Variants in LHFPL2 observed in about 807,000 individuals in gnomAD.
The protein encoded by LHFPL2 is LHFPL tetraspan subfamily member 2 protein.
A neutral mutation model predicts 17.5 loss-of-function variants in LHFPL2; 7 were observed. The observed-to-expected ratio is 0.40, with a 90% CI of 0.23 to 0.75. The LOEUF (loss-of-function observed/expected upper bound fraction) is 0.75, where lower values mean the gene tolerates loss of function less well. Among genes scored for constraint, LHFPL2 ranks in the 30% least tolerant of loss-of-function variants. The probability of loss-of-function intolerance (pLI) is 0.37; values close to 1 mark genes in which losing one functional copy is unlikely to be tolerated. For missense variants in LHFPL2, 241 were observed against 294.8 expected, an observed-to-expected ratio of 0.82 and a Z score of 1.34; for synonymous variants, 134 against 116.2, an observed-to-expected ratio of 1.15 and a Z score of -0.99.
intron 1 of LHFPL2, among the ~76,000 whole-genome samples, chr5:78,645,585 CACACACAT>C (rs1745841155): frequency 8.1e-6 from 1 of 123,316 alleles, no homozygotes; most frequent in South Asian, 2.7e-4. Context: ...CACACACACA[CACACACAT>C]TTTTTTTGAG....
At chr5:78,523,235 T>C (rs1371831086) in intron 3 of LHFPL2, among the ~76,000 whole-genome samples, 1 of 152,140 alleles carries the variant, frequency 6.6e-6, no homozygotes, top group Non-Finnish European at 1.5e-5. Context: ...AACAGAAGAA[T>C]TAAAACTCAC....
intron 2 of LHFPL2, among the ~76,000 whole-genome samples, chr5:78,583,155 T>A (rs1032144012): frequency 9.9e-5 from 15 of 151,600 alleles, no homozygotes; most frequent in Non-Finnish European, 1.9e-4. Context: ...CTCCATCCTT[T>A]TATTTTGAGC....
At chr5:78,646,294 C>T (rs1297664882) in intron 1 of LHFPL2, among the ~76,000 whole-genome samples, 1 of 152,180 alleles carries the variant, frequency 6.6e-6, no homozygotes, top group Non-Finnish European at 1.5e-5. Flanking sequence ...CCAGACTCAA[C>T]TCAGAGCCAC....
intron 4 of LHFPL2, among the ~76,000 whole-genome samples, chr5:78,491,581 A>G (rs1000770357): frequency 6.6e-6 from 1 of 152,252 alleles, no homozygotes; most frequent in African/African-American, 2.4e-5. Flanking sequence ...ATGGTGGACC[A>G]CAGCAGAGAC....
chr5:78,570,307 TC>T lies in LHFPL2; in HGVS notation c.-244-5437del, dbSNP rs149507912. On this transcript the variant is annotated intron_variant, in intron 2 of 4. Coordinates refer to ENST00000380345, the MANE Select transcript of LHFPL2 (RefSeq NM_005779.3). ...ACTGGGTTAACGAGAGTGGAGAAAA[TC>T]ATCAGGCAAACATGACAGCAGGAAT... 2.9e-3 allele frequency among the ~76,000 whole-genome samples: 446 copies of T among 151,928 alleles called. 3 individuals carry two copies. The highest frequency in any genetic ancestry group is 0.01 in the African/African-American group (429 of 41,398).
At chr5:78,645,948 A>G (rs1387904754) in intron 1 of LHFPL2, among the ~76,000 whole-genome samples, 2 of 152,202 alleles carry the variant, frequency 1.3e-5, no homozygotes, top group Non-Finnish European at 2.9e-5. Context: ...TCTTGTTTGT[A>G]TCTAAGAGCA....
intron 3 of LHFPL2, among the ~76,000 whole-genome samples, chr5:78,562,771 T>TAA (rs35579328): frequency 6.6e-6 from 1 of 151,804 alleles, no homozygotes; most frequent in South Asian, 2.1e-4. Context: ...TTCACAACTT[T>TAA]AAAAAAAAGA....
At chr5:78,541,678 G>A (rs1756118927) in intron 3 of LHFPL2, among the ~76,000 whole-genome samples, 3 of 152,130 alleles carry the variant, frequency 2.0e-5, no homozygotes, top group Admixed American at 2.0e-4. Context: ...TCAGCCTTCC[G>A]GTGACTGGGG....
chr5:78,499,611 T>A (rs1417443144), intron 4 of LHFPL2, among the ~76,000 whole-genome samples: 1 of 152,150 alleles, frequency 6.6e-6, no homozygotes, highest in Non-Finnish European at 1.5e-5. Flanking sequence ...TGATATGCAT[T>A]CAAAAGCTTG....
At chr5:78,544,558 AT>A (rs1756211379) in intron 3 of LHFPL2, among the ~76,000 whole-genome samples, 1 of 152,150 alleles carries the variant, frequency 6.6e-6, no homozygotes, top group African/African-American at 2.4e-5. Flanking sequence ...CTCTGTTGTG[AT>A]TTTTGTTAAT....
At chr5:78,585,027 G>T (rs1743327329) in intron 2 of LHFPL2, among the ~76,000 whole-genome samples, 5 of 56,238 alleles carry the variant, frequency 8.9e-5, no homozygotes, top group Admixed American at 2.1e-4. Flanking sequence ...TTTTTTTTGA[G>T]ACGGAGTCTC....
chr5:78,586,996 C>A (rs1404108643), intron 2 of LHFPL2, among the ~76,000 whole-genome samples: 1 of 152,198 alleles, frequency 6.6e-6, no homozygotes, highest in Non-Finnish European at 1.5e-5. Context: ...AACTCAGCAG[C>A]TGCTGCTTCA....
At chr5:78,501,287 T>G (rs1313952068) in intron 4 of LHFPL2, among the ~76,000 whole-genome samples, 2 of 152,226 alleles carry the variant, frequency 1.3e-5, no homozygotes, top group East Asian at 3.8e-4. Context: ...ATGACATTTC[T>G]TTGAAGTGAA....
At chr5:78,530,004 G>A (rs1429292832) in intron 3 of LHFPL2, among the ~76,000 whole-genome samples, 1 of 152,156 alleles carries the variant, frequency 6.6e-6, no homozygotes, top group African/African-American at 2.4e-5. Context: ...TGGAAGAAGG[G>A]AGAGAAAATA....
chr5:78,582,882 G>C (rs1220305825), intron 2 of LHFPL2, among the ~76,000 whole-genome samples: 1 of 152,118 alleles, frequency 6.6e-6, no homozygotes, highest in African/African-American at 2.4e-5. Context: ...TGTTGACAGT[G>C]GGCTGTTGAA....
chr5:78,557,996 T>C (rs780800239), intron 3 of LHFPL2, among the ~76,000 whole-genome samples: 2 of 152,190 alleles, frequency 1.3e-5, no homozygotes. Context: ...TCCAAGAGAA[T>C]AGAGATTAAA....
chr5:78,639,719 A>G (rs559292478), intron 1 of LHFPL2, among the ~76,000 whole-genome samples: 2 of 152,266 alleles, frequency 1.3e-5, no homozygotes, highest in Non-Finnish European at 2.9e-5. Flanking sequence ...TACAAGTGTT[A>G]GTCATTTACA....
In LHFPL2 at chr5:78,496,290, ATT is replaced by A. The variant is rs531732444; in HGVS notation, c.431-7139_431-7138del. Among the ~76,000 whole-genome samples the A allele has an allele frequency of 3.6e-3, 542 of 152,336 alleles. 2 individuals carry two copies. The highest frequency in any genetic ancestry group is 7.2e-3 in the South Asian group (35 of 4,830). ...TATAGGTTAATTAGAATCGATACGAATTCTAATGAGACATTGCAACTTTGCCT... is the reference window on the plus strand; with the variant it reads ...TATAGGTTAATTAGAATCGATACGAACTAATGAGACATTGCAACTTTGCCT... On this transcript the variant is annotated intron_variant, in intron 4 of 4. Transcript: ENST00000380345.
intron 2 of LHFPL2, among the ~76,000 whole-genome samples, chr5:78,629,903 A>T (rs2112511724): frequency 6.6e-6 from 1 of 152,372 alleles, no homozygotes; most frequent in East Asian, 1.9e-4. Context: ...AGGCTCTAGC[A>T]GTCCCATCTT....
Sources: gnomAD v4.1 joint callset for allele counts (sites outside exome capture counted in the v4.1 genomes callset) on GRCh38, gnomAD v4.1.1 for gene constraint, MANE v1.5 for transcripts, NCBI Gene and HGNC (gene_info 2026-07-23, HGNC 2026-07-21) for gene names.